TRPC5: variants seen among roughly 807,000 people sequenced by gnomAD.
TRPC5 encodes transient receptor potential cation channel subfamily C member 5.
A neutral mutation model predicts 56.5 loss-of-function variants in TRPC5; 9 were observed. The ratio of observed to expected loss-of-function variants is 0.16; its 90% CI spans 0.10 to 0.28. TRPC5 has a LOEUF of 0.28. Ranked by LOEUF, TRPC5 falls within the 10% of genes least tolerant of loss-of-function variation. TRPC5 has a pLI of 1.00. For synonymous variants in TRPC5, 282 were observed against 278.5 expected (o/e 1.01, Z -0.13); for missense variants, 469 against 748.9 (o/e 0.63, Z 4.36).
At chrX:112,011,118 C>T (rs1350292994) in intron 1 of TRPC5, among the ~76,000 whole-genome samples, 1 of 111,501 alleles carries the variant, frequency 9.0e-6, no homozygotes, top group Non-Finnish European at 1.9e-5. Context: ...AGCTAGACAC[C>T]ATGTACATGG....
intron 1 of TRPC5, among the ~76,000 whole-genome samples, chrX:112,054,611 G>C (rs1299141715): frequency 3.6e-5 from 4 of 111,205 alleles, no homozygotes; most frequent in Admixed American, 1.9e-4. Flanking sequence ...GTGGGCGTGA[G>C]AGAGGTGGGT....
chrX:111,941,822 C>A lies in TRPC5; in HGVS notation c.378+10221G>T, dbSNP rs145381675. Among the ~76,000 whole-genome samples, 779 of 112,180 alleles carry A rather than the reference C, an allele frequency of 6.9e-3. 22 individuals carry two copies. Among genetic ancestry groups the A allele is most frequent in the Admixed American group, 0.061 (647 of 10,590 alleles). The stretch of plus-strand genomic sequence containing the variant: ...GAGGGATGGTGCACCATGTGGGCTC[C>A]TCCTCTGGAACAATGCAGCCACACG... On this transcript the variant is annotated intron_variant, in intron 2 of 10. Transcript: ENST00000262839.
At chrX:112,032,416 A>AAATCAGTATGTC (rs1411624124) in intron 1 of TRPC5, among the ~76,000 whole-genome samples, 13 of 111,805 alleles carry the variant, frequency 1.2e-4, no homozygotes, top group African/African-American at 4.2e-4. Context: ...AAAAGAAGGG[A>AAATCAGTATGTC]AATCAGTATG....
At chrX:111,845,632 T>A (rs777378462) in intron 6 of TRPC5, among the ~76,000 whole-genome samples, 1 of 112,008 alleles carries the variant, frequency 8.9e-6, no homozygotes, top group Admixed American at 9.4e-5. Context: ...GTTGAACACT[T>A]TGATGGGAAC....
intron 2 of TRPC5, among the ~76,000 whole-genome samples, chrX:111,924,826 G>A (rs1376986997): frequency 1.8e-5 from 2 of 112,623 alleles, no homozygotes; most frequent in Non-Finnish European, 3.7e-5. Context: ...CTAAATGTAA[G>A]CATAGTCCTC....
intron 2 of TRPC5, among the ~76,000 whole-genome samples, chrX:111,929,863 A>C (rs1180640990): frequency 8.9e-6 from 1 of 112,094 alleles, no homozygotes; most frequent in Non-Finnish European, 1.9e-5. Context: ...TGAGAATTCC[A>C]CTTTCAGACT....
chrX:111,977,289 G>A (rs192080541), intron 1 of TRPC5, among the ~76,000 whole-genome samples: 67 of 111,305 alleles, frequency 6.0e-4, no homozygotes, highest in African/African-American at 2.1e-3. Context: ...TAGACATACC[G>A]ATCAATAGAA....
chrX:112,036,273 C>T (rs1929739424), intron 1 of TRPC5, among the ~76,000 whole-genome samples: 1 of 111,931 alleles, frequency 8.9e-6, no homozygotes, highest in African/African-American at 3.2e-5. Flanking sequence ...AATCTTTCAC[C>T]CCAGTTGGGT....
chrX:111,821,004 A>C (rs975447168), intron 7 of TRPC5, among the ~76,000 whole-genome samples: 13 of 111,341 alleles, frequency 1.2e-4, no homozygotes, highest in Non-Finnish European at 2.5e-4. Flanking sequence ...TACCCCCAAG[A>C]ATCTTTAGGG....
At chrX:111,988,813 T>A (rs188055600) in intron 1 of TRPC5, among the ~76,000 whole-genome samples, 20 of 111,518 alleles carry the variant, frequency 1.8e-4, no homozygotes, top group Admixed American at 2.9e-4. Flanking sequence ...ACTTGTTGTC[T>A]CATATTCACC....
intron 2 of TRPC5, among the ~76,000 whole-genome samples, chrX:111,938,088 A>G (rs1330625624): frequency 1.1e-5 from 1 of 89,950 alleles, no homozygotes; most frequent in Non-Finnish European, 2.2e-5. Flanking sequence ...ATTCCTAGGT[A>G]TTTTATTCTC....
chrX:112,042,544 A>G (rs1237243862), intron 1 of TRPC5, among the ~76,000 whole-genome samples: 8 of 111,433 alleles, frequency 7.2e-5, no homozygotes, highest in Non-Finnish European at 1.5e-4. Context: ...TTAGGCTTCT[A>G]TTCATGCTAA....
At chrX:111,885,883 A>C (rs748269595) in intron 3 of TRPC5, among the ~76,000 whole-genome samples, 1 of 112,084 alleles carries the variant, frequency 8.9e-6, no homozygotes, top group Non-Finnish European at 1.9e-5. Context: ...ATTTCTGATC[A>C]GGAAAGTGAG....
At chrX:111,808,257 T>C (rs1215842997) in intron 7 of TRPC5, among the ~76,000 whole-genome samples, 1 of 110,650 alleles carries the variant, frequency 9.0e-6, no homozygotes, top group South Asian at 4.0e-4. Flanking sequence ...AGAGATACCA[T>C]ACAGGAGCCA....
intron 7 of TRPC5, among the ~76,000 whole-genome samples, chrX:111,808,656 A>G (rs1165383313): frequency 9.1e-6 from 1 of 109,937 alleles, no homozygotes; most frequent in Non-Finnish European, 1.9e-5. Flanking sequence ...CTGAGCTGAC[A>G]CCTAAGCTGC....
At chrX:111,873,875 G>A (rs1000507526) in intron 3 of TRPC5, among the ~76,000 whole-genome samples, 2 of 111,455 alleles carry the variant, frequency 1.8e-5, no homozygotes, top group African/African-American at 6.5e-5. Context: ...CAGGAACATG[G>A]CCTAAAGACA....
intron 7 of TRPC5, among the ~76,000 whole-genome samples, chrX:111,790,375 CAG>C (rs777770811): frequency 3.6e-5 from 4 of 110,599 alleles, no homozygotes; most frequent in Admixed American, 2.9e-4. Flanking sequence ...CACTTGGACA[CAG>C]GGCAGGGAAC....
At chrX:111,956,967 G>C (rs974839080) in intron 1 of TRPC5, among the ~76,000 whole-genome samples, 1 of 111,884 alleles carries the variant, frequency 8.9e-6, no homozygotes, top group African/African-American at 3.3e-5. Flanking sequence ...CTGCTCTCTA[G>C]AGCAGCATCA....
intron 2 of TRPC5, among the ~76,000 whole-genome samples, chrX:111,926,857 G>A (rs1426503781): frequency 2.7e-5 from 3 of 112,276 alleles, no homozygotes; most frequent in African/African-American, 9.7e-5. Flanking sequence ...ACTCAAGGTG[G>A]TCAGGTGGGA....
Sources: allele counts gnomAD v4.1 joint callset (sites outside exome capture counted in the v4.1 genomes callset), GRCh38; gene constraint gnomAD v4.1.1; transcripts MANE v1.5; gene names NCBI Gene and HGNC (gene_info 2026-07-23, HGNC 2026-07-21).